ELMO1: variants seen among roughly 807,000 people sequenced by gnomAD.
The protein encoded by ELMO1 is engulfment and cell motility 1.
A neutral mutation model predicts 98.9 loss-of-function variants in ELMO1; 26 were observed. The observed-to-expected ratio is 0.26, with a 90% CI of 0.19 to 0.36. The LOEUF is 0.36. ELMO1 is among the 10% of genes least tolerant of loss of function. The pLI is 1.00. For missense variants in ELMO1, 627 were observed against 935.2 expected (o/e 0.67, Z 4.30); for synonymous variants, 346 against 346.0 (o/e 1.00, Z 0.00).
chr7:37,018,769 G>A (rs891853928), intron 15 of ELMO1, among the ~76,000 whole-genome samples: 55 of 152,278 alleles, frequency 3.6e-4, no homozygotes, highest in African/African-American at 1.3e-3. Context: ...AAGCCATCAG[G>A]CACAGCTAGT....
intron 15 of ELMO1, among the ~76,000 whole-genome samples, chr7:37,047,831 A>G (rs183638770): frequency 1.3e-5 from 2 of 152,294 alleles, no homozygotes; most frequent in South Asian, 2.1e-4. Flanking sequence ...GAATTCATAC[A>G]GTACAGACTA....
intron 16 of ELMO1, among the ~76,000 whole-genome samples, chr7:36,933,316 G>C (rs753507946): frequency 2.6e-5 from 4 of 152,158 alleles, no homozygotes. Context: ...TTTGGTCCAA[G>C]GTGCCCCAGA....
At chr7:37,132,203 G>T (rs1384947527) in intron 14 of ELMO1, among the ~76,000 whole-genome samples, 1 of 152,168 alleles carries the variant, frequency 6.6e-6, no homozygotes, top group Non-Finnish European at 1.5e-5. Context: ...TCTCCAGGGA[G>T]CCAGTGCTAC....
At chr7:37,129,404 G>A (rs1786751657) in intron 14 of ELMO1, among the ~76,000 whole-genome samples, 1 of 152,248 alleles carries the variant, frequency 6.6e-6, no homozygotes, top group South Asian at 2.1e-4. Context: ...TATAGATTGT[G>A]ATGTCTACGT....
intron 2 of ELMO1, among the ~76,000 whole-genome samples, chr7:37,321,257 C>T (rs979846764): frequency 4.6e-5 from 7 of 152,270 alleles, no homozygotes; most frequent in Admixed American, 3.9e-4. Flanking sequence ...CCAAGCCAAA[C>T]GCCAGCTCTG....
At chr7:37,008,984 G>T (rs1028484640) in intron 16 of ELMO1, among the ~76,000 whole-genome samples, 1 of 152,170 alleles carries the variant, frequency 6.6e-6, no homozygotes, top group African/African-American at 2.4e-5. Flanking sequence ...AAGCCCCCAG[G>T]TGATTCTGAC....
intron 16 of ELMO1, chr7:36,985,976 G>C: frequency 1.0e-6 from 1 of 1,002,908 alleles, no homozygotes. Flanking sequence ...CTAAGCTGCT[G>C]CCACCACAAA....
intron 9 of ELMO1, among the ~76,000 whole-genome samples, chr7:37,223,854 G>A (rs1793725220): frequency 6.6e-6 from 1 of 152,126 alleles, no homozygotes; most frequent in African/African-American, 2.4e-5. Context: ...ATCTGCTTTG[G>A]TAGTTTATAT....
At chr7:36,985,238 A>G (rs1256958251) in intron 16 of ELMO1, 1 of 475,624 alleles carries the variant, frequency 2.1e-6, no homozygotes, top group African/African-American at 2.1e-5. Context: ...CTGGTTTTTC[A>G]GGGGTTTGAA....
intron 16 of ELMO1, among the ~76,000 whole-genome samples, chr7:37,003,351 C>G (rs140763144): frequency 2.0e-5 from 3 of 152,040 alleles, no homozygotes; most frequent in African/African-American, 7.2e-5. Flanking sequence ...AATGAGACAA[C>G]GTCTCAAATA....
intron 1 of ELMO1, chr7:37,375,932 C>T (rs909160363): frequency 1.6e-6 from 1 of 636,118 alleles, no homozygotes; most frequent in Non-Finnish European, 2.9e-6. Flanking sequence ...CCTCCTGGTG[C>T]CAACAAGAAA....
At chr7:37,322,104 C>T (rs1020017898) in intron 2 of ELMO1, among the ~76,000 whole-genome samples, 6 of 151,654 alleles carry the variant, frequency 4.0e-5, no homozygotes, top group Non-Finnish European at 7.4e-5. Flanking sequence ...ATGATCCGCC[C>T]GCCTTGGCCT....
intron 6 of ELMO1, among the ~76,000 whole-genome samples, chr7:37,255,014 AATGTTGACAAGGCACATAC>A (rs1215990674): frequency 1.3e-5 from 2 of 152,200 alleles, no homozygotes; most frequent in Non-Finnish European, 2.9e-5. Flanking sequence ...AAAAAGTAAG[AATGTTGACAAGGCACATAC>A]ATAGCATCAG....
intron 15 of ELMO1, among the ~76,000 whole-genome samples, chr7:37,021,542 A>C (rs985418576): frequency 6.6e-6 from 1 of 152,142 alleles, no homozygotes; most frequent in African/African-American, 2.4e-5. Context: ...TCCCAGGCAC[A>C]CAGTTAATAA....
intron 4 of ELMO1, among the ~76,000 whole-genome samples, chr7:37,303,085 C>T (rs2131032557): frequency 6.6e-6 from 1 of 152,202 alleles, no homozygotes. Context: ...GCCCTTGGGT[C>T]ACCAGTTTAT....
In ELMO1 at chr7:37,409,132, G is replaced by GA. The variant is rs34728296; in HGVS notation, c.-74+39542dup. Among the ~76,000 whole-genome samples, 778 of 138,398 alleles carry GA rather than the reference G, an allele frequency of 5.6e-3. 7 individuals are homozygous for GA. Among genetic ancestry groups the GA allele is most frequent in the African/African-American group, 0.015 (561 of 36,840 alleles). 90.8% of individuals were successfully genotyped at this position (138,398 alleles called of 152,430 possible). On this transcript the variant is annotated intron_variant, in intron 1 of 21. Transcript: ENST00000310758. ...TGACACACAGCAGAGTTTTGCAAGT[G>GA]AAAAAAAAAAAAAAGTGAACAAAAT...
chr7:37,091,819 G>A (rs1288317019), intron 15 of ELMO1, among the ~76,000 whole-genome samples: 6 of 152,174 alleles, frequency 3.9e-5, no homozygotes, highest in Non-Finnish European at 7.3e-5. Flanking sequence ...CATGGCGGCA[G>A]GCAAGACAGA....
At chr7:37,377,672 T>C (rs1313689750) in intron 1 of ELMO1, among the ~76,000 whole-genome samples, 4 of 151,988 alleles carry the variant, frequency 2.6e-5, no homozygotes, top group Non-Finnish European at 1.5e-5. Flanking sequence ...AAATTTAGGG[T>C]CTGAAGGGAT....
At chr7:37,218,616 A>T (rs557575880) in intron 10 of ELMO1, among the ~76,000 whole-genome samples, 227 of 152,378 alleles carry the variant, frequency 1.5e-3, no homozygotes, top group Admixed American at 3.7e-3. Flanking sequence ...AGATAGCTAC[A>T]AATATGAATC....
Sources: allele counts gnomAD v4.1 joint callset (sites outside exome capture counted in the v4.1 genomes callset), GRCh38; gene constraint gnomAD v4.1.1; transcripts MANE v1.5; gene names NCBI Gene and HGNC (gene_info 2026-07-23, HGNC 2026-07-21).